NRG3: variants seen among roughly 807,000 people sequenced by gnomAD.
NRG3 encodes the protein neuregulin 3.
NRG3 carries 31 observed loss-of-function variants against 66.9 expected under a neutral mutation model. That is an observed-to-expected ratio of 0.46 (90% confidence interval 0.35 to 0.63). The LOEUF (loss-of-function observed/expected upper bound fraction) is 0.63. NRG3 is among the 20% of genes least tolerant of loss of function. NRG3 has a pLI of 0.00. For missense variants in NRG3, 910 were observed against 878.9 expected (o/e 1.04, Z -0.45); for synonymous variants, 393 against 359.4 (o/e 1.09, Z -1.06).
At chr10:82,539,332 G>A (rs575211219) in intron 2 of NRG3, among the ~76,000 whole-genome samples, 348 of 152,260 alleles carry the variant, frequency 2.3e-3, no homozygotes, top group African/African-American at 8.3e-3. Flanking sequence ...CTTTACCCCT[G>A]CTACAGAGAA....
chr10:82,895,928 A>T (rs1843626485), intron 4 of NRG3, among the ~76,000 whole-genome samples: 1 of 152,148 alleles, frequency 6.6e-6, no homozygotes, highest in Admixed American at 6.6e-5. Flanking sequence ...TTACTATAGC[A>T]TTAGGTTGTT....
intron 2 of NRG3, among the ~76,000 whole-genome samples, chr10:82,653,063 T>C (rs926253182): frequency 6.6e-6 from 1 of 152,154 alleles, no homozygotes; most frequent in Non-Finnish European, 1.5e-5. Context: ...GGCAGTAAAG[T>C]ATATTTTATT....
At chr10:82,835,703 A>C (rs1206926871) in intron 3 of NRG3, among the ~76,000 whole-genome samples, 1 of 152,182 alleles carries the variant, frequency 6.6e-6, no homozygotes, top group Non-Finnish European at 1.5e-5. Context: ...TCAGCCTATC[A>C]TCAGCTTTGC....
At chr10:82,406,785 T>G (rs1334024288) in intron 2 of NRG3, among the ~76,000 whole-genome samples, 1 of 152,114 alleles carries the variant, frequency 6.6e-6, no homozygotes, top group Non-Finnish European at 1.5e-5. Context: ...CTTGTTGACT[T>G]AGAAACTAGG....
intron 2 of NRG3, among the ~76,000 whole-genome samples, chr10:82,490,618 T>C (rs1186989116): frequency 6.6e-6 from 1 of 152,124 alleles, no homozygotes; most frequent in Admixed American, 6.6e-5. Context: ...AAATTATAGC[T>C]TCAGCTGAGA....
intron 3 of NRG3, among the ~76,000 whole-genome samples, chr10:82,755,310 G>A (rs1371061685): frequency 6.6e-6 from 1 of 152,092 alleles, no homozygotes; most frequent in Admixed American, 6.6e-5. Context: ...CTTCAATGGA[G>A]TTACTTTCTT....
chr10:82,557,357 T>A (rs2044716541), intron 2 of NRG3, among the ~76,000 whole-genome samples: 1 of 152,206 alleles, frequency 6.6e-6, no homozygotes, highest in Admixed American at 6.5e-5. Context: ...TATCTCACTG[T>A]GATTTTGATT....
At chr10:82,897,645 A>G (rs1366683695) in intron 4 of NRG3, among the ~76,000 whole-genome samples, 1 of 152,062 alleles carries the variant, frequency 6.6e-6, no homozygotes, top group Non-Finnish European at 1.5e-5. Context: ...CAGCCTCCCG[A>G]GTAGCTGGGA....
At chr10:82,379,920 A>C (rs921186863) in intron 2 of NRG3, among the ~76,000 whole-genome samples, 2 of 151,430 alleles carry the variant, frequency 1.3e-5, no homozygotes, top group African/African-American at 2.4e-5. Flanking sequence ...CAAAAAAAAA[A>C]AAAAAGAAAA....
intron 3 of NRG3, among the ~76,000 whole-genome samples, chr10:82,803,734 G>A (rs1376827847): frequency 6.6e-6 from 1 of 152,112 alleles, no homozygotes; most frequent in Non-Finnish European, 1.5e-5. Flanking sequence ...TGTATTTTGA[G>A]TTATAAAATG....
chr10:82,476,217 G>A (rs536587346), intron 2 of NRG3, among the ~76,000 whole-genome samples: 22 of 152,290 alleles, frequency 1.4e-4, no homozygotes, highest in Admixed American at 7.8e-4. Flanking sequence ...ACAAGTTTTG[G>A]TGAGAATGTG....
chr10:82,455,258 G>A (rs559156710), intron 2 of NRG3, among the ~76,000 whole-genome samples: 4 of 152,248 alleles, frequency 2.6e-5, no homozygotes, highest in Admixed American at 6.5e-5. Context: ...TTGTGCAAAC[G>A]TCATAGTGTG....
chr10:81,929,396 G>T (rs1847125557), intron 1 of NRG3, among the ~76,000 whole-genome samples: 1 of 152,140 alleles, frequency 6.6e-6, no homozygotes, highest in Admixed American at 6.5e-5. Flanking sequence ...GAAAGATGCA[G>T]TATGAAATGT....
chr10:81,982,846 T>C (rs1042611705), intron 1 of NRG3, among the ~76,000 whole-genome samples: 1 of 152,344 alleles, frequency 6.6e-6, no homozygotes, highest in East Asian at 1.9e-4. Context: ...CGTTTCAACA[T>C]ATGATTTTGG....
At chr10:82,699,459 C>T (rs1591221959) in intron 2 of NRG3, among the ~76,000 whole-genome samples, 1 of 152,128 alleles carries the variant, frequency 6.6e-6, no homozygotes, top group Admixed American at 6.6e-5. Context: ...ATCCTCATCC[C>T]ACCACTTTTG....
intron 1 of NRG3, among the ~76,000 whole-genome samples, chr10:82,216,460 A>ATGTG (rs141417032): frequency 0.016 from 2,376 of 146,386 alleles, 86 homozygotes; most frequent in East Asian, 0.15. Context: ...TTTTATATAT[A>ATGTG]TGTGTGTGTG....
intron 5 of NRG3, among the ~76,000 whole-genome samples, chr10:82,953,748 G>A (rs1264657579): frequency 6.6e-6 from 1 of 151,742 alleles, no homozygotes; most frequent in African/African-American, 2.4e-5. Flanking sequence ...GAGGCAGGAA[G>A]ATCACTTGAG....
At chr10:82,017,221 G>T (rs2061827196) in intron 1 of NRG3, among the ~76,000 whole-genome samples, 1 of 152,162 alleles carries the variant, frequency 6.6e-6, no homozygotes, top group Non-Finnish European at 1.5e-5. Context: ...TGCTGAGAAT[G>T]ACGGTTTCCA....
chr10:82,903,287 C>T (rs997845323), intron 4 of NRG3, among the ~76,000 whole-genome samples: 2 of 152,100 alleles, frequency 1.3e-5, no homozygotes, highest in Non-Finnish European at 2.9e-5. Context: ...ACGTGTGATA[C>T]TAATCATCTC....
Sources: allele counts gnomAD v4.1 joint callset (sites outside exome capture counted in the v4.1 genomes callset), GRCh38; gene constraint gnomAD v4.1.1; transcripts MANE v1.5; gene names NCBI Gene and HGNC (gene_info 2026-07-23, HGNC 2026-07-21).